MEX3D: variants seen among roughly 807,000 people sequenced by gnomAD.
MEX3D encodes the protein mex-3 RNA binding family member D, also known as RNA-binding protein MEX3D.
A neutral mutation model predicts 6.3 loss-of-function variants in MEX3D; 4 were observed. The observed-to-expected ratio is 0.64, with a 90% CI of 0.31 to 1.46. The LOEUF (loss-of-function observed/expected upper bound fraction) is 1.46, where lower values mean the gene tolerates loss of function less well. Among genes scored for constraint, MEX3D ranks in the 40% most tolerant of loss-of-function variants. The pLI is 0.07. For synonymous variants in MEX3D, 626 were observed against 494.1 expected (o/e 1.27, Z -3.54); for missense variants, 1,038 against 994.4 (o/e 1.04, Z -0.59).
rs1465599387 is a variant in MEX3D, at chr19:1,555,379, C to T, written c.*184G>A. The T allele has an allele frequency of 1.5e-5, 24 of 1,600,298 alleles. No homozygotes were observed. Among genetic ancestry groups the T allele is most frequent in the South Asian group, 7.8e-5 (7 of 90,086 alleles). ...AGGCGCCGCCGGGCTGCGGGGTCTC[C>T]GTCTCCACGCCTGAGGCGGCAGTTA... is the stretch of plus-strand genomic sequence containing the variant. On this transcript the variant is annotated 3_prime_UTR_variant, in exon 2 of 2. Transcript: ENST00000402693.
chr19:1,556,194 G>T lies in MEX3D; in HGVS notation c.1325C>A (p.Pro442Gln). 6.9e-7 allele frequency: 1 copy of T among 1,450,732 alleles called. No homozygotes were observed. The highest frequency in any genetic ancestry group is 9.1e-7 in the Non-Finnish European group (1 of 1,101,550). The allele number at this position is 1,450,732 out of a possible 1,614,324, so 89.9% of individuals were successfully genotyped here. ...FAFGAEGPGA[P>Q]VGTAAPDDCD... ...GTCGTCGGGGGCGGCCGTCCCCACCGGGGCACCGGGACCCTCCGCGCCGAA... is the reference window on the plus strand; with the variant it reads ...GTCGTCGGGGGCGGCCGTCCCCACCTGGGCACCGGGACCCTCCGCGCCGAA... Residue 442 changes from proline to glutamine, a missense_variant, in exon 2 of 2, where the codon CCG becomes CAG. Physicochemically the swap from Pro to Gln is moderately conservative, Grantham distance 76. This residue lies in a region of MEX3D where 581 missense variants were observed against 516.2 expected (regional missense o/e 1.13). Coordinates refer to ENST00000402693, the MANE Select transcript of MEX3D (RefSeq NM_203304.4). This position sits in a 1 kb window ranked among gnomAD's most constrained non-coding sequence, Gnocchi z 7.5.
chr19:1,563,206 T>C (rs1568266882), intron 1 of MEX3D, among the ~76,000 whole-genome samples: 1 of 151,952 alleles, frequency 6.6e-6, no homozygotes, highest in Non-Finnish European at 1.5e-5. Flanking sequence ...TCCCCAGCTG[T>C]CGGGAAAACC....
chr19:1,566,678 C>G (rs1165564359), intron 1 of MEX3D, among the ~76,000 whole-genome samples: 1 of 152,028 alleles, frequency 6.6e-6, no homozygotes, highest in East Asian at 1.9e-4. Context: ...TGCCCACCAC[C>G]CGCCCGCCCG....
Position 1,555,843 on chromosome 19 carries a change from G to A in MEX3D, c.1676C>T (p.Ser559Phe). 1.5e-6 allele frequency: 2 copies of A among 1,342,084 alleles called. No individual in the cohort carries two copies. Among genetic ancestry groups the A allele is most frequent in the South Asian group, 1.8e-5 (1 of 56,900 alleles). The allele number at this position is 1,342,084 out of a possible 1,614,324, so 83.1% of individuals were successfully genotyped here. A position where few individuals can be genotyped will look rare whatever the true frequency, so the allele number is the denominator to read the frequency against. Residue 559 changes from serine (S) to phenylalanine (F), a missense_variant, in exon 2 of 2, where the codon TCC becomes TTC. Physicochemically the swap from Ser to Phe is radical, Grantham distance 155. Transcript: ENST00000402693. Reference sequence around the variant, plus strand: ...GCTGCTGGGCAGCGAGGTGGCCGTGGAGAAGGCGGCGCCGCCTGGGAAGGA... The same window carrying A: ...GCTGCTGGGCAGCGAGGTGGCCGTGAAGAAGGCGGCGCCGCCTGGGAAGGA... The part of the protein sequence containing the change: ...PVSFPGGAAF[S>F]TATSLPSSPA...
chr19:1,557,896 A>G lies in MEX3D; in HGVS notation c.596-973T>C, dbSNP rs866046872. Among the ~76,000 whole-genome samples, 671 of 142,434 alleles carry G rather than the reference A, an allele frequency of 4.7e-3. 8 individuals are homozygous for G. The highest frequency in any genetic ancestry group is 0.017 in the African/African-American group (637 of 37,614). 93.4% of individuals were successfully genotyped at this position (142,434 alleles called of 152,430 possible). On this transcript the variant is annotated intron_variant, in intron 1 of 1. Transcript: ENST00000402693. ...AAAAAAAAAAAAAAAAAAAAAAAAA[A>G]GCCGCAATTAGCAAGGTGTGGTGGC...
At chr19:1,565,208 AGACCCTGTCT>A (rs752931518) in intron 1 of MEX3D, among the ~76,000 whole-genome samples, 5 of 152,162 alleles carry the variant, frequency 3.3e-5, no homozygotes, top group Non-Finnish European at 5.9e-5. Flanking sequence ...CAACAGAGCA[AGACCCTGTCT>A]CTACAAGAAA....
intron 1 of MEX3D, among the ~76,000 whole-genome samples, chr19:1,559,872 C>T (rs1020310225): frequency 1.3e-5 from 2 of 152,096 alleles, no homozygotes; most frequent in African/African-American, 2.4e-5. Context: ...GCAGTTTTCC[C>T]GCCCCAGCTG....
At position 1,562,519 on chromosome 19, in the gene MEX3D, C is replaced by T. The variant is rs577148984; in HGVS notation, c.595+4945G>A. 1.1e-4 allele frequency among the ~76,000 whole-genome samples: 16 copies of T among 151,694 alleles called. No individual in the cohort carries two copies. The East Asian group carries it at 2.5e-3, about 24-fold the overall frequency. ...CAGCCTGGGCGACAGAGTGAGACTC[C>T]GCCTCAAAAGAAAAGAAAAGAAAAG... On this transcript the variant is annotated intron_variant, in intron 1 of 1. Transcript: ENST00000402693.
chr19:1,565,633 C>G (rs562020308), intron 1 of MEX3D, among the ~76,000 whole-genome samples: 2 of 152,338 alleles, frequency 1.3e-5, no homozygotes, highest in South Asian at 4.1e-4. Context: ...GGGCCGTCAT[C>G]TGCGCAGGGC....
Position 1,568,202 on chromosome 19 carries a change from G to A in MEX3D, c.-144C>T, listed in dbSNP as rs989427014. 36 of 420,028 alleles carry A rather than the reference G, an allele frequency of 8.6e-5. No homozygotes were observed. The South Asian group carries it at 9.9e-4, about 12-fold the overall frequency. The allele number at this position is 420,028 out of a possible 1,614,324, so 26.0% of individuals were successfully genotyped here. A position where few individuals can be genotyped will look rare whatever the true frequency, so the allele number is the denominator to read the frequency against. On this transcript the variant is annotated 5_prime_UTR_variant, in exon 1 of 2. Coordinates refer to ENST00000402693, the MANE Select transcript of MEX3D (RefSeq NM_203304.4). ...CACGGGGGGCCGGGCGGGCGGGGCG[G>A]CGGCGGCGCGGGGCTGCTCGGGGCC...
chr19:1,568,011 GCCGCCCCCGCCC>G lies in MEX3D; in HGVS notation c.36_47del (p.Gly17_Gly20del), dbSNP rs971230173. The G allele has an allele frequency of 3.8e-5, 37 of 976,668 alleles. No individual in the cohort carries two copies. The African/African-American group carries it at 6.5e-4, about 17-fold the overall frequency. 60.5% of individuals were successfully genotyped at this position (976,668 alleles called of 1,614,324 possible). On this transcript the variant is annotated inframe_deletion, in exon 1 of 2. Transcript: ENST00000402693. Reference sequence around the variant, plus strand: ...CCGCCGCCCCCACGCCGCCGCCGCCGCCGCCCCCGCCCCCGCCGCCGTCGGGCTGGCCGAGCG... The same window carrying G: ...CCGCCGCCCCCACGCCGCCGCCGCCGCCGCCGCCGTCGGGCTGGCCGAGCG...
Position 1,567,583 on chromosome 19 carries a change from G to C in MEX3D, c.476C>G (p.Pro159Arg). Residue 159 changes from proline to arginine, a missense_variant, in exon 1 of 2, where the codon CCC (proline) becomes CGC (arginine). By Grantham distance (103) the Pro-to-Arg change is moderately radical. Around this residue, in one of 5 missense-constraint regions of MEX3D, gnomAD observed 265 missense variants for 206.3 expected, o/e 1.28. Transcript: ENST00000402693. This position sits in a 1 kb window ranked among gnomAD's most constrained non-coding sequence, Gnocchi z 6.5. Reference protein sequence around the residue: ...GFAPHPAALGPPTLLADQMSV... With the variant: ...GFAPHPAALGRPTLLADQMSV... Reference sequence around the variant, plus strand: ...CATCTGGTCGGCCAGCAGCGTCGGGGGCCCCAGGGCCGCGGGGTGGGGCGC... The same window carrying C: ...CATCTGGTCGGCCAGCAGCGTCGGGCGCCCCAGGGCCGCGGGGTGGGGCGC... 6.8e-7 allele frequency: 1 copy of C among 1,480,094 alleles called. No individual in the cohort carries two copies. Among genetic ancestry groups the C allele is most frequent in the Non-Finnish European group, 9.0e-7 (1 of 1,114,876 alleles). The allele number at this position is 1,480,094 out of a possible 1,614,324, so 91.7% of individuals were successfully genotyped here. A position where few individuals can be genotyped will look rare whatever the true frequency, so the allele number is the denominator to read the frequency against.
At position 1,567,890 on chromosome 19, in the gene MEX3D, C is replaced by T; in HGVS notation, c.169G>A (p.Ala57Thr). 2 of 981,148 alleles carry T rather than the reference C, an allele frequency of 2.0e-6. No individual in the cohort carries two copies. Among genetic ancestry groups the T allele is most frequent in the African/African-American group, 1.8e-5 (1 of 56,084 alleles). The allele number at this position is 981,148 out of a possible 1,614,324, so 60.8% of individuals were successfully genotyped here. ...RPPPEPDDAA[A>T]ALRLALDQLS... is the part of the protein sequence containing the mutation. ...TGGTCCAGCGCCAGGCGGAGCGCGG[C>T]GGCCGCGTCGTCGGGTTCGGGCGGC... Residue 57 changes from alanine to threonine, a missense_variant, in exon 1 of 2, where the codon GCC (alanine) becomes ACC (threonine). Ala to Thr is a moderately conservative substitution (Grantham distance 58, BLOSUM62 0). Transcript: ENST00000402693. The surrounding 1 kb of genome is among the most constrained non-coding windows in gnomAD (Gnocchi z 6.5).
At chr19:1,565,454 A>C (rs1914815444) in intron 1 of MEX3D, among the ~76,000 whole-genome samples, 1 of 152,196 alleles carries the variant, frequency 6.6e-6, no homozygotes, top group South Asian at 2.1e-4. Flanking sequence ...AGGCAGGAGA[A>C]CTGCTTGAAA....
chr19:1,568,062 G>T lies in MEX3D; in HGVS notation c.-4C>A. The T allele has an allele frequency of 2.0e-6, 2 of 978,706 alleles. No homozygotes were observed. Among genetic ancestry groups the T allele is most frequent in the Non-Finnish European group, 1.2e-6 (1 of 827,790 alleles). 60.6% of individuals were successfully genotyped at this position (978,706 alleles called of 1,614,324 possible). On this transcript the variant is annotated 5_prime_UTR_variant, in exon 1 of 2. Transcript: ENST00000402693. ...GCTGGCCGAGCGAGCTGGGCATGGCGGGAGCTAGCGCTGGGGCCCGCGCTC... is the reference window on the plus strand; with the variant it reads ...GCTGGCCGAGCGAGCTGGGCATGGCTGGAGCTAGCGCTGGGGCCCGCGCTC...
Position 1,567,334 on chromosome 19 carries a change from C to T in MEX3D, c.595+130G>A. ...AAGGCGCAAAGGCAGCGGCCGAGGC[C>T]GGAGCCCACGCGGGGCGTGTCCGGT... is the stretch of plus-strand genomic sequence containing the variant. On this transcript the variant is annotated intron_variant, in intron 1 of 1. Coordinates refer to ENST00000402693, the MANE Select transcript of MEX3D (RefSeq NM_203304.4). The surrounding 1 kb of genome is among the most constrained non-coding windows in gnomAD (Gnocchi z 6.5). The T allele has an allele frequency of 9.1e-7, 1 of 1,102,136 alleles. No homozygotes were observed. The highest frequency in any genetic ancestry group is 1.2e-6 in the Non-Finnish European group (1 of 845,734). 68.3% of individuals were successfully genotyped at this position (1,102,136 alleles called of 1,614,324 possible).
In MEX3D at chr19:1,567,785, C is replaced by T; in HGVS notation, c.274G>A (p.Gly92Ser). The change falls in exon 1 of 2, where the codon GGC becomes AGC. Residue 92 changes from glycine to serine, a missense_variant. By Grantham distance (56) the Gly-to-Ser change is moderately conservative. Transcript: ENST00000402693. This position sits in a 1 kb window ranked among gnomAD's most constrained non-coding sequence, Gnocchi z 6.5. ...TCCGGAGCCGCCCCGCCGTCCGCGCCCCCCGCCGCCGCTGCGCCGTCCCCG... is the reference window on the plus strand; with the variant it reads ...TCCGGAGCCGCCCCGCCGTCCGCGCTCCCCGCCGCCGCTGCGCCGTCCCCG... ...AAGDGAAAAG[G>S]ADGGAAPEPV... 1.0e-6 allele frequency: 1 copy of T among 961,262 alleles called. No individual in the cohort carries two copies. Among genetic ancestry groups the T allele is most frequent in the Non-Finnish European group, 1.2e-6 (1 of 807,892 alleles). The allele number at this position is 961,262 out of a possible 1,614,324, so 59.5% of individuals were successfully genotyped here.
At chr19:1,566,951 C>T (rs1195031524) in intron 1 of MEX3D, among the ~76,000 whole-genome samples, 1 of 152,166 alleles carries the variant, frequency 6.6e-6, no homozygotes, top group Non-Finnish European at 1.5e-5. Flanking sequence ...CTCTCCTGCC[C>T]GGTCCCGTCC....
At position 1,566,925 on chromosome 19, in the gene MEX3D, G is replaced by A. The variant is rs188582457; in HGVS notation, c.595+539C>T. Among the ~76,000 whole-genome samples, 900 of 152,184 alleles carry A rather than the reference G, an allele frequency of 5.9e-3. 14 individuals carry two copies. Among genetic ancestry groups the A allele is most frequent in the African/African-American group, 0.021 (852 of 41,508 alleles). Reference sequence around the variant, plus strand: ...CCGAAATCCCTGACTCGGGGCCAGAGAGTGGAGCAGGGACCCTCTCCTGCC... The same window carrying A: ...CCGAAATCCCTGACTCGGGGCCAGAAAGTGGAGCAGGGACCCTCTCCTGCC... On this transcript the variant is annotated intron_variant, in intron 1 of 1. Transcript: ENST00000402693.
Sources: allele counts gnomAD v4.1 joint callset (sites outside exome capture counted in the v4.1 genomes callset), GRCh38; gene constraint gnomAD v4.1.1; regional missense constraint gnomAD v4.1.1; non-coding constraint Gnocchi (gnomAD v3.1); transcripts MANE v1.5; gene names NCBI Gene and HGNC (gene_info 2026-07-23, HGNC 2026-07-21).